The following SDK1 variants were observed in gnomAD, a reference collection of about 807,000 sequenced individuals.
SDK1 encodes the protein protein sidekick-1.
In SDK1, 157 loss-of-function variants were observed where a neutral mutation model predicts 245.5. That is an observed-to-expected ratio of 0.64 (90% CI 0.56 to 0.73). The LOEUF is 0.73. Ranked by LOEUF, SDK1 falls within the 30% of genes least tolerant of loss-of-function variation. The pLI is 0.00. For synonymous variants in SDK1, 1,647 were observed against 1,278.5 expected, an observed-to-expected ratio of 1.29 and a Z score of -6.15; for missense variants, 3,583 against 3,002.3, an observed-to-expected ratio of 1.19 and a Z score of -4.52.
chr7:4,171,570 G>T (rs1164338873), intron 32 of SDK1, among the ~76,000 whole-genome samples: 3 of 152,228 alleles, frequency 2.0e-5, no homozygotes, highest in Non-Finnish European at 1.5e-5. Flanking sequence ...AGCTGAGCAT[G>T]CTCCAGCCCC....
At chr7:4,057,939 A>G (rs2128169589) in intron 19 of SDK1, among the ~76,000 whole-genome samples, 1 of 152,376 alleles carries the variant, frequency 6.6e-6, no homozygotes, top group South Asian at 2.1e-4. Flanking sequence ...AAAAAATTAG[A>G]AGAAGCAACT....
In SDK1 at chr7:3,975,911, G is replaced by C. The variant is rs183623460; in HGVS notation, c.1994+1366G>C. 4.8e-3 allele frequency among the ~76,000 whole-genome samples: 716 copies of C among 147,786 alleles called. 6 individuals are homozygous for C. The highest frequency in any genetic ancestry group is 0.014 in the African/African-American group (575 of 39,860). On this transcript the variant is annotated intron_variant, in intron 13 of 44. Transcript: ENST00000404826. ...TGCAGCTGCAAAGCTGCCACGTAGA[G>C]GGTCCTCCAGAGAATCACTGAGGGT...
chr7:4,129,615 G>C, intron 26 of SDK1: 1 of 1,233,552 alleles, frequency 8.1e-7, no homozygotes, highest in Non-Finnish European at 1.0e-6. Context: ...TAGTGGCTGT[G>C]GTTGGCATGG....
intron 14 of SDK1, among the ~76,000 whole-genome samples, chr7:3,999,775 C>T (rs1248862918): frequency 6.6e-6 from 1 of 152,324 alleles, no homozygotes; most frequent in African/African-American, 2.4e-5. Context: ...AATACATGCT[C>T]ATTGAAGCTG....
intron 4 of SDK1, among the ~76,000 whole-genome samples, chr7:3,691,727 A>T (rs1009325500): frequency 7.2e-5 from 11 of 152,108 alleles, no homozygotes; most frequent in African/African-American, 2.4e-4. Context: ...TTCAGGTGTG[A>T]ATGCGTAGAA....
intron 5 of SDK1, among the ~76,000 whole-genome samples, chr7:3,885,070 C>G (rs1394213210): frequency 2.0e-5 from 3 of 152,050 alleles, no homozygotes; most frequent in South Asian, 2.1e-4. Flanking sequence ...CCCCTGGGGA[C>G]TATGGCTAAG....
chr7:4,188,987 C>T (rs1783042426), intron 35 of SDK1, among the ~76,000 whole-genome samples: 1 of 152,068 alleles, frequency 6.6e-6, no homozygotes, highest in Admixed American at 6.6e-5. Context: ...GAGGGCTTGT[C>T]TTATTCCTCT....
intron 1 of SDK1, among the ~76,000 whole-genome samples, chr7:3,319,108 G>A (rs1398532030): frequency 6.6e-6 from 1 of 152,136 alleles, no homozygotes; most frequent in Non-Finnish European, 1.5e-5. Context: ...CTGGCAGTGG[G>A]GCCTCACGGA....
chr7:4,258,122 G>C (rs1583190174), intron 44 of SDK1, among the ~76,000 whole-genome samples: 6 of 152,198 alleles, frequency 3.9e-5, no homozygotes, highest in Admixed American at 3.9e-4. Context: ...TTTGGCTGAG[G>C]AAACATCAGG....
At chr7:4,023,370 A>G (rs1017871323) in intron 17 of SDK1, among the ~76,000 whole-genome samples, 2 of 152,178 alleles carry the variant, frequency 1.3e-5, no homozygotes, top group Non-Finnish European at 2.9e-5. Flanking sequence ...CAAAGCTCTA[A>G]TACAGTTTCA....
At chr7:4,223,701 A>G (rs1291955015) in intron 40 of SDK1, among the ~76,000 whole-genome samples, 1 of 152,148 alleles carries the variant, frequency 6.6e-6, no homozygotes, top group Non-Finnish European at 1.5e-5. Flanking sequence ...CCTATTTCCA[A>G]ATAAGCTCAT....
chr7:3,535,526 T>G (rs1307675535), intron 1 of SDK1, among the ~76,000 whole-genome samples: 2 of 152,186 alleles, frequency 1.3e-5, no homozygotes, highest in Non-Finnish European at 2.9e-5. Context: ...TCTTTAGTAG[T>G]GTGACCTTAT....
chr7:3,501,389 A>C (rs75943152), intron 1 of SDK1, among the ~76,000 whole-genome samples: 1 of 151,320 alleles, frequency 6.6e-6, no homozygotes, highest in African/African-American at 2.4e-5. Context: ...AAAAAAAAAA[A>C]CTGATCAGGA....
chr7:4,121,392 T>C (rs1784056666), intron 25 of SDK1, among the ~76,000 whole-genome samples: 1 of 152,186 alleles, frequency 6.6e-6, no homozygotes, highest in African/African-American at 2.4e-5. Context: ...TCCGCCATGC[T>C]GTTCTCATGA....
At chr7:3,802,123 T>C (rs1779121634) in intron 4 of SDK1, among the ~76,000 whole-genome samples, 1 of 152,228 alleles carries the variant, frequency 6.6e-6, no homozygotes, top group Admixed American at 6.5e-5. Flanking sequence ...GTTTATATTT[T>C]ATACCACTGT....
chr7:3,800,498 C>T (rs1404487743), intron 4 of SDK1, among the ~76,000 whole-genome samples: 2 of 152,026 alleles, frequency 1.3e-5, no homozygotes, highest in Non-Finnish European at 2.9e-5. Context: ...TCTCCTGCCT[C>T]AGCCTTCCAA....
intron 1 of SDK1, among the ~76,000 whole-genome samples, chr7:3,365,229 T>C (rs1264158838): frequency 6.6e-6 from 1 of 152,174 alleles, no homozygotes; most frequent in Non-Finnish European, 1.5e-5. Context: ...TAGAGAATGG[T>C]GGTAGTGGAC....
intron 27 of SDK1, among the ~76,000 whole-genome samples, chr7:4,131,897 G>C (rs1784848910): frequency 6.6e-6 from 1 of 152,122 alleles, no homozygotes; most frequent in Non-Finnish European, 1.5e-5. Context: ...AGGAACTTCA[G>C]GCCGCCTCAT....
At chr7:3,592,150 TTGAC>T (rs770150217) in intron 1 of SDK1, among the ~76,000 whole-genome samples, 18 of 152,356 alleles carry the variant, frequency 1.2e-4, no homozygotes, top group South Asian at 4.1e-4. Context: ...TTCTTAGTGT[TTGAC>T]TGACCGCCTG....
Sources: allele counts gnomAD v4.1 joint callset (sites outside exome capture counted in the v4.1 genomes callset), GRCh38; gene constraint gnomAD v4.1.1; transcripts MANE v1.5; gene names NCBI Gene and HGNC (gene_info 2026-07-23, HGNC 2026-07-21).